The following PEAK1 variants were observed in gnomAD, a reference collection of about 807,000 sequenced individuals.
PEAK1 encodes the protein inactive tyrosine-protein kinase PEAK1.
PEAK1 carries 54 observed loss-of-function variants against 124.7 expected under a neutral mutation model. The observed-to-expected ratio is 0.43, with a 90% CI of 0.35 to 0.54. PEAK1 has a LOEUF of 0.54. PEAK1 is among the 20% of genes least tolerant of loss of function. The probability of loss-of-function intolerance (pLI) is 0.01; values close to 1 mark genes in which losing one functional copy is unlikely to be tolerated. For synonymous variants in PEAK1, 719 were observed against 760.0 expected, an observed-to-expected ratio of 0.95 and a Z score of 0.89; for missense variants, 2,046 against 2,134.5, an observed-to-expected ratio of 0.96 and a Z score of 0.82.
chr15:77,388,435 A>C (rs1252212940), intron 1 of PEAK1, among the ~76,000 whole-genome samples: 1 of 152,160 alleles, frequency 6.6e-6, no homozygotes, highest in African/African-American at 2.4e-5. Flanking sequence ...GTTGCTATTC[A>C]GTGTCTGCCT....
intron 1 of PEAK1, among the ~76,000 whole-genome samples, chr15:77,368,868 T>TATAG (rs1177819900): frequency 6.6e-6 from 1 of 152,134 alleles, no homozygotes; most frequent in Non-Finnish European, 1.5e-5. Flanking sequence ...ACTACTCCAT[T>TATAG]ATAGGGAATA....
intron 7 of PEAK1, among the ~76,000 whole-genome samples, chr15:77,176,323 A>C (rs77840169): frequency 1.3e-5 from 1 of 77,412 alleles, no homozygotes; most frequent in Admixed American, 1.2e-4. Context: ...TACATTTTTC[A>C]AAAAAAAAAG....
intron 2 of PEAK1, among the ~76,000 whole-genome samples, chr15:77,290,212 T>C (rs2063144960): frequency 1.3e-5 from 2 of 152,028 alleles, no homozygotes; most frequent in Admixed American, 1.3e-4. Context: ...ACAGCCTCCA[T>C]TTCCCGGGTT....
chr15:77,340,362 T>A (rs2066454358), intron 2 of PEAK1, among the ~76,000 whole-genome samples: 1 of 152,220 alleles, frequency 6.6e-6, no homozygotes, highest in Non-Finnish European at 1.5e-5. Context: ...AGAAGCCATC[T>A]GAAGAGACTA....
chr15:77,286,551 T>TGA (rs2152974123), intron 2 of PEAK1, 47 bp from the exon 3 acceptor site: 1 of 931,696 alleles, frequency 1.1e-6, no homozygotes, highest in African/African-American at 1.7e-5. Flanking sequence ...AAAGGGCATT[T>TGA]GAATCACTCT....
intron 2 of PEAK1, among the ~76,000 whole-genome samples, chr15:77,320,949 G>A (rs1262285846): frequency 6.6e-6 from 1 of 152,116 alleles, no homozygotes; most frequent in Non-Finnish European, 1.5e-5. Context: ...TGAGAATGAT[G>A]GTTTCCAGCT....
chr15:77,120,566 T>C (rs2051821508), intron 9 of PEAK1, among the ~76,000 whole-genome samples: 1 of 152,186 alleles, frequency 6.6e-6, no homozygotes, highest in African/African-American at 2.4e-5. Flanking sequence ...ACTTTCAAAT[T>C]ATCCTCTTTT....
At chr15:77,193,813 A>G (rs2057970876) in intron 6 of PEAK1, among the ~76,000 whole-genome samples, 1 of 73,808 alleles carries the variant, frequency 1.4e-5, no homozygotes, top group South Asian at 3.8e-4. Flanking sequence ...TAACTAAACT[A>G]AACTAAACTA....
At chr15:77,127,549 GA>G (rs2052486011) in intron 9 of PEAK1, among the ~76,000 whole-genome samples, 1 of 152,192 alleles carries the variant, frequency 6.6e-6, no homozygotes, top group Non-Finnish European at 1.5e-5. Flanking sequence ...TTGGAAACTG[GA>G]GGAAAGGGAA....
chr15:77,168,554 C>T (rs888548155), intron 7 of PEAK1, among the ~76,000 whole-genome samples: 4 of 152,176 alleles, frequency 2.6e-5, no homozygotes, highest in Admixed American at 6.5e-5. Flanking sequence ...TTTACAGAAA[C>T]AGGTAAACAA....
intron 5 of PEAK1, among the ~76,000 whole-genome samples, chr15:77,282,989 T>C (rs114996505): frequency 0.017 from 2,537 of 152,296 alleles, 68 homozygotes; most frequent in African/African-American, 0.057. Context: ...AAACTAGCTC[T>C]ATTCAAGTCT....
chr15:77,194,812 G>A (rs902597231), intron 6 of PEAK1, among the ~76,000 whole-genome samples: 1 of 152,136 alleles, frequency 6.6e-6, no homozygotes, highest in African/African-American at 2.4e-5. Flanking sequence ...GACAGCAAAG[G>A]GGGAGAAAGA....
chr15:77,351,929 T>C lies in PEAK1; in HGVS notation c.-603+13234A>G, dbSNP rs1225748857. 4 of 985,212 alleles carry C rather than the reference T, an allele frequency of 4.1e-6. No individual in the cohort carries two copies. In the East Asian group the frequency reaches 3.4e-4, roughly 84 times the overall value. The allele number at this position is 985,212 out of a possible 1,614,324, so 61.0% of individuals were successfully genotyped here. ...AAGTCTGGTAGACCTATTATAAGAT[T>C]ATTAAAATCAGCCAGGTGTGGTGGC... On this transcript the variant is annotated intron_variant, in intron 2 of 9. Coordinates refer to ENST00000682557, the MANE Select transcript of PEAK1 (RefSeq NM_001385026.1).
At chr15:77,256,408 G>C (rs982501626) in intron 5 of PEAK1, among the ~76,000 whole-genome samples, 3 of 149,626 alleles carry the variant, frequency 2.0e-5, no homozygotes, top group Non-Finnish European at 4.4e-5. Flanking sequence ...ATAGTTTCAG[G>C]TAAAAAAAAA....
intron 5 of PEAK1, among the ~76,000 whole-genome samples, chr15:77,269,721 C>T (rs191626515): frequency 1.2e-4 from 19 of 152,240 alleles, no homozygotes; most frequent in Admixed American, 1.1e-3. Flanking sequence ...TTCTCCAAGA[C>T]AGACCATATG....
At chr15:77,350,059 T>C (rs1597394458) in intron 2 of PEAK1, 1 of 985,426 alleles carries the variant, frequency 1.0e-6, no homozygotes, top group Non-Finnish European at 1.2e-6. Context: ...GCCACCATGA[T>C]AGTTTTCAGA....
chr15:77,167,696 T>C lies in PEAK1; in HGVS notation c.3138-9000A>G, dbSNP rs79370781. Among the ~76,000 whole-genome samples, 1,112 of 152,326 alleles carry C rather than the reference T, an allele frequency of 7.3e-3. 15 individuals are homozygous for C. Among genetic ancestry groups the C allele is most frequent in the African/African-American group, 0.025 (1,056 of 41,564 alleles). ...TCGTCCTAAGCATGAAAAGACAACT[T>C]TGATAGGATTCTCTTAGTAAAAAGG... is the stretch of plus-strand genomic sequence containing the variant. On this transcript the variant is annotated intron_variant, in intron 7 of 9. Transcript: ENST00000682557.
intron 1 of PEAK1, among the ~76,000 whole-genome samples, chr15:77,393,009 C>T (rs1204640592): frequency 6.6e-6 from 1 of 152,204 alleles, no homozygotes; most frequent in African/African-American, 2.4e-5. Flanking sequence ...GACCTCAGTG[C>T]TGCCCTGTCA....
intron 2 of PEAK1, chr15:77,349,779 G>C (rs2067096308): frequency 2.0e-6 from 2 of 984,972 alleles, no homozygotes; most frequent in African/African-American, 1.7e-5. Context: ...CAAATAATTA[G>C]GTTACAAATA....
Sources: allele counts gnomAD v4.1 joint callset (sites outside exome capture counted in the v4.1 genomes callset), GRCh38; gene constraint gnomAD v4.1.1; transcripts MANE v1.5; gene names NCBI Gene and HGNC (gene_info 2026-07-23, HGNC 2026-07-21).